NAV3: variants seen among roughly 807,000 people sequenced by gnomAD.
NAV3 encodes neuron navigator 3, also known as pore membrane and/or filament interacting like protein 1.
In NAV3, 87 loss-of-function variants were observed where a neutral mutation model predicts 244.7. The ratio of observed to expected loss-of-function variants is 0.36; its 90% CI spans 0.30 to 0.42. The LOEUF is 0.42. Ranked by LOEUF, NAV3 falls within the 20% of genes least tolerant of loss-of-function variation. NAV3 has a pLI of 1.00. For synonymous variants in NAV3, 1,126 were observed against 1,042.2 expected (o/e 1.08, Z -1.55); for missense variants, 2,663 against 2,893.3 (o/e 0.92, Z 1.83).
At chr12:77,895,239 AG>A (rs1182975605) in intron 1 of NAV3, among the ~76,000 whole-genome samples, 1 of 152,166 alleles carries the variant, frequency 6.6e-6, no homozygotes, top group East Asian at 1.9e-4. Flanking sequence ...AAAGGAAGAT[AG>A]AAGGTCAACA....
At chr12:77,923,019 G>A (rs1047007171) in intron 1 of NAV3, among the ~76,000 whole-genome samples, 5 of 151,694 alleles carry the variant, frequency 3.3e-5, no homozygotes, top group Non-Finnish European at 5.9e-5. Flanking sequence ...TACTCTACAA[G>A]TATCACGATT....
chr12:77,789,100 C>T (rs1470771875), intron 2 of NAV3, among the ~76,000 whole-genome samples: 3 of 152,196 alleles, frequency 2.0e-5, no homozygotes, highest in Non-Finnish European at 4.4e-5. Context: ...ATTGCTTCTG[C>T]CTTAGTTCAG....
chr12:77,609,524 C>A (rs933241732), intron 2 of NAV3, among the ~76,000 whole-genome samples: 1 of 152,110 alleles, frequency 6.6e-6, no homozygotes, highest in Non-Finnish European at 1.5e-5. Flanking sequence ...GATGCTTAAA[C>A]TTCTGTCCAC....
At chr12:77,834,172 A>G (rs1484693790) in intron 1 of NAV3, among the ~76,000 whole-genome samples, 2 of 152,124 alleles carry the variant, frequency 1.3e-5, no homozygotes, top group East Asian at 3.9e-4. Flanking sequence ...TGTCCTCACT[A>G]GGTCCATGGG....
At position 78,164,910 on chromosome 12, in the gene NAV3, C is replaced by G. The variant is rs1216618873; in HGVS notation, c.4870-3845C>G. On this transcript the variant is annotated intron_variant, in intron 23 of 39. Coordinates refer to ENST00000397909, the MANE Select transcript of NAV3 (RefSeq NM_001024383.2). The stretch of plus-strand genomic sequence containing the variant: ...CAAGCTTTGGGATTCTCAACAAAGT[C>G]TTTGTTAGTGAGAAATTTGGAAAGA... Among the ~76,000 whole-genome samples the G allele has an allele frequency of 3.4e-4, 51 of 151,962 alleles. No homozygotes were observed. The Admixed American group carries it at 3.4e-3, about 10-fold the overall frequency.
At chr12:78,162,050 T>A (rs1029874420) in intron 23 of NAV3, among the ~76,000 whole-genome samples, 29 of 152,138 alleles carry the variant, frequency 1.9e-4, no homozygotes, top group African/African-American at 7.0e-4. Context: ...GAAAACTCTT[T>A]GGCACTAAAT....
At chr12:77,803,813 C>T (rs544661358) in intron 2 of NAV3, among the ~76,000 whole-genome samples, 4 of 152,228 alleles carry the variant, frequency 2.6e-5, no homozygotes, top group East Asian at 3.9e-4. Context: ...TTTTCATGAT[C>T]GCCATTCTAA....
intron 16 of NAV3, among the ~76,000 whole-genome samples, chr12:78,124,730 A>C (rs1918187): frequency 0.13 from 19,359 of 152,182 alleles, 1,667 homozygotes; most frequent in Admixed American, 0.27. Context: ...TGGGGATTAC[A>C]GGTGTGAGCC....
At chr12:77,577,218 A>G (rs1039085992) in intron 2 of NAV3, among the ~76,000 whole-genome samples, 5 of 152,156 alleles carry the variant, frequency 3.3e-5, no homozygotes, top group Admixed American at 6.6e-5. Context: ...CTTCTATAAG[A>G]TGATTCCACA....
At chr12:77,672,995 G>A (rs923398700) in intron 2 of NAV3, among the ~76,000 whole-genome samples, 6 of 152,016 alleles carry the variant, frequency 3.9e-5, no homozygotes, top group East Asian at 3.9e-4. Flanking sequence ...CACTTTTTTC[G>A]TGATATGTAT....
At chr12:78,037,644 C>T (rs1880138691) in intron 9 of NAV3, among the ~76,000 whole-genome samples, 1 of 152,088 alleles carries the variant, frequency 6.6e-6, no homozygotes, top group East Asian at 1.9e-4. Context: ...TTATTAGCCT[C>T]ACCTAGTGTC....
At chr12:78,174,717 C>T (rs1357592184) in intron 24 of NAV3, among the ~76,000 whole-genome samples, 3 of 151,892 alleles carry the variant, frequency 2.0e-5, no homozygotes, top group Non-Finnish European at 4.4e-5. Context: ...CCTAGGCTTT[C>T]TTTGGAGGAT....
intron 22 of NAV3, among the ~76,000 whole-genome samples, chr12:78,155,246 T>G (rs1316453043): frequency 6.6e-6 from 1 of 152,136 alleles, no homozygotes; most frequent in African/African-American, 2.4e-5. Context: ...ATCGTTCTAC[T>G]CCCACTTATA....
At chr12:77,772,849 T>A (rs1181300331) in intron 2 of NAV3, among the ~76,000 whole-genome samples, 1 of 152,216 alleles carries the variant, frequency 6.6e-6, no homozygotes. Flanking sequence ...AGACCTGACT[T>A]AACGCACTAA....
intron 7 of NAV3, among the ~76,000 whole-genome samples, chr12:78,006,081 G>A (rs943593834): frequency 6.6e-6 from 1 of 152,090 alleles, no homozygotes; most frequent in Non-Finnish European, 1.5e-5. Flanking sequence ...GTGGTGGTTG[G>A]AAAATAACAA....
At chr12:78,082,467 C>T (rs1441481441) in intron 12 of NAV3, among the ~76,000 whole-genome samples, 2 of 151,874 alleles carry the variant, frequency 1.3e-5, no homozygotes, top group Non-Finnish European at 2.9e-5. Flanking sequence ...ATTGATTTTT[C>T]TCGGAAGTTT....
intron 36 of NAV3, chr12:78,198,996 G>C (rs1348686349): frequency 4.2e-6 from 2 of 477,070 alleles, no homozygotes; most frequent in Non-Finnish European, 7.8e-6. Flanking sequence ...GGTTAAAGTA[G>C]AGCATATTCC....
intron 11 of NAV3, among the ~76,000 whole-genome samples, chr12:78,057,827 C>T (rs1310689167): frequency 6.6e-6 from 1 of 152,182 alleles, no homozygotes; most frequent in Non-Finnish European, 1.5e-5. Context: ...GGTCTACACT[C>T]AACCATCCTT....
intron 2 of NAV3, among the ~76,000 whole-genome samples, chr12:77,809,736 G>T (rs1872188408): frequency 6.6e-6 from 1 of 152,246 alleles, no homozygotes; most frequent in South Asian, 2.1e-4. Context: ...ATACGTCATT[G>T]TATGTTGTTT....
Sources: allele counts gnomAD v4.1 joint callset (sites outside exome capture counted in the v4.1 genomes callset), GRCh38; gene constraint gnomAD v4.1.1; transcripts MANE v1.5; gene names NCBI Gene and HGNC (gene_info 2026-07-23, HGNC 2026-07-21).